FRMD5: variants seen among roughly 807,000 people sequenced by gnomAD.
The protein encoded by FRMD5 is FERM domain containing 5, also known as FERM domain-containing protein 5.
In FRMD5, 20 loss-of-function variants were observed where a neutral mutation model predicts 69.0. That is an observed-to-expected ratio of 0.29 (90% CI 0.20 to 0.42). The LOEUF (loss-of-function observed/expected upper bound fraction) is 0.42. Ranked by LOEUF, FRMD5 falls within the 10% of genes least tolerant of loss-of-function variation. FRMD5 has a pLI of 1.00. For missense variants in FRMD5, 595 were observed against 708.6 expected (o/e 0.84, Z 1.82); for synonymous variants, 271 against 260.1 (o/e 1.04, Z -0.40).
chr15:44,138,281 T>C (rs544383992), intron 1 of FRMD5, among the ~76,000 whole-genome samples: 1 of 152,194 alleles, frequency 6.6e-6, no homozygotes, highest in African/African-American at 2.4e-5. Flanking sequence ...TCTCAAAGGA[T>C]ATAAAGGAAA....
intron 1 of FRMD5, among the ~76,000 whole-genome samples, chr15:44,123,782 T>C (rs1263432510): frequency 6.6e-6 from 1 of 152,118 alleles, no homozygotes; most frequent in South Asian, 2.1e-4. Flanking sequence ...ATGGGAATCA[T>C]CTGAGAAAAT....
chr15:44,031,920 T>C (rs1458943666), intron 1 of FRMD5, among the ~76,000 whole-genome samples: 3 of 152,138 alleles, frequency 2.0e-5, no homozygotes, highest in Non-Finnish European at 2.9e-5. Flanking sequence ...CCTTGAGAGC[T>C]ATTTTAAAAT....
At chr15:44,143,087 G>A (rs1164733291) in intron 1 of FRMD5, among the ~76,000 whole-genome samples, 9 of 150,502 alleles carry the variant, frequency 6.0e-5, no homozygotes, top group Non-Finnish European at 8.9e-5. Context: ...GCGAGACTCC[G>A]TCTCAAAAAA....
intron 1 of FRMD5, among the ~76,000 whole-genome samples, chr15:43,945,857 A>T (rs907628193): frequency 3.3e-5 from 5 of 152,148 alleles, no homozygotes; most frequent in Non-Finnish European, 7.3e-5. Flanking sequence ...GGAGTTCAAG[A>T]CCAGCCTGGC....
intron 7 of FRMD5, among the ~76,000 whole-genome samples, chr15:43,899,444 C>T (rs1050541661): frequency 1.3e-5 from 2 of 152,098 alleles, no homozygotes; most frequent in African/African-American, 2.4e-5. Context: ...TACATAACAA[C>T]GGGTAGTGAC....
chr15:44,112,917 C>G (rs537123112), intron 1 of FRMD5, among the ~76,000 whole-genome samples: 2 of 152,190 alleles, frequency 1.3e-5, no homozygotes, highest in African/African-American at 4.8e-5. Context: ...TTTTTCCTTT[C>G]ATATTTCTCT....
chr15:43,996,361 A>C (rs994734638), intron 1 of FRMD5, among the ~76,000 whole-genome samples: 11 of 151,648 alleles, frequency 7.3e-5, no homozygotes, highest in Non-Finnish European at 1.2e-4. Flanking sequence ...TCCGGTACTC[A>C]CTCTCCTTCC....
intron 2 of FRMD5, among the ~76,000 whole-genome samples, chr15:43,923,732 G>T (rs1203901791): frequency 6.6e-6 from 1 of 152,236 alleles, no homozygotes; most frequent in Non-Finnish European, 1.5e-5. Context: ...TGCCTATGCT[G>T]TGTAGAGCAG....
intron 1 of FRMD5, among the ~76,000 whole-genome samples, chr15:44,037,467 CTCT>C (rs1891970367): frequency 6.8e-6 from 1 of 147,362 alleles, no homozygotes; most frequent in East Asian, 2.0e-4. Flanking sequence ...TGTGTCTTTT[CTCT>C]TTTTTTTTTT....
rs141022353 is a variant in FRMD5 at position 44,124,481 on chromosome 15, C to T, written c.102+70472G>A. Among the ~76,000 whole-genome samples the T allele has an allele frequency of 3.1e-3, 469 of 151,786 alleles. 3 individuals are homozygous for T. The highest frequency in any genetic ancestry group is 0.011 in the African/African-American group (438 of 41,434). On this transcript the variant is annotated intron_variant, in intron 1 of 13. Coordinates refer to ENST00000417257, the MANE Select transcript of FRMD5 (RefSeq NM_032892.5). ...TTGGGAGGCCAAGGCAGGCAGATCA[C>T]GAGGACAGGAGATCAAAACCATCCT...
At chr15:44,019,270 C>T (rs1891103379) in intron 1 of FRMD5, among the ~76,000 whole-genome samples, 1 of 151,988 alleles carries the variant, frequency 6.6e-6, no homozygotes, top group Non-Finnish European at 1.5e-5. Flanking sequence ...TTTGTAAATC[C>T]TAGAGTTTAT....
intron 1 of FRMD5, among the ~76,000 whole-genome samples, chr15:44,114,101 A>T (rs1346847401): frequency 6.6e-6 from 1 of 152,194 alleles, no homozygotes; most frequent in Non-Finnish European, 1.5e-5. Flanking sequence ...CAGAAAAAAA[A>T]ATGACATATA....
At chr15:44,066,983 T>C (rs900774667) in intron 1 of FRMD5, among the ~76,000 whole-genome samples, 1 of 152,072 alleles carries the variant, frequency 6.6e-6, no homozygotes, top group Non-Finnish European at 1.5e-5. Flanking sequence ...CAAAATATTA[T>C]TGATGCTAGT....
chr15:44,076,009 G>A (rs1438766757), intron 1 of FRMD5, among the ~76,000 whole-genome samples: 11 of 152,218 alleles, frequency 7.2e-5, no homozygotes, highest in African/African-American at 2.2e-4. Context: ...TTTTGATGGG[G>A]TTGTTTGTTT....
rs1307857312 is a variant in FRMD5, at chr15:43,873,993, G to T, written c.1605C>A (p.Ile535=). Residue 535 remains isoleucine, a synonymous_variant, in exon 14 of 14, where the codon ATC becomes ATA. Coordinates refer to ENST00000417257, the MANE Select transcript of FRMD5 (RefSeq NM_032892.5). ...SDLDIAFFRD[I]RQTPEFEQFH... Reference sequence around the variant, plus strand: ...ATTGTTCAAACTCGGGGGTCTGGCGGATATCACGGAAAAAGGCAATGTCAA... The same window carrying T: ...ATTGTTCAAACTCGGGGGTCTGGCGTATATCACGGAAAAAGGCAATGTCAA... 6.2e-7 allele frequency: 1 copy of T among 1,614,164 alleles called. No individual in the cohort carries two copies. The highest frequency in any genetic ancestry group is 1.3e-5 in the African/African-American group (1 of 75,038).
chr15:44,026,526 A>C (rs1460903575), intron 1 of FRMD5, among the ~76,000 whole-genome samples: 1 of 152,012 alleles, frequency 6.6e-6, no homozygotes, highest in African/African-American at 2.4e-5. Flanking sequence ...GCTTTTCTTC[A>C]CAGCTTATTA....
chr15:44,045,235 T>A (rs1359649123), intron 1 of FRMD5, among the ~76,000 whole-genome samples: 2 of 152,250 alleles, frequency 1.3e-5, no homozygotes, highest in East Asian at 1.9e-4. Flanking sequence ...CTATCTTGGA[T>A]TACCCAGTCA....
At chr15:44,054,171 T>C (rs1367520045) in intron 1 of FRMD5, among the ~76,000 whole-genome samples, 5 of 152,216 alleles carry the variant, frequency 3.3e-5, no homozygotes, top group Admixed American at 1.3e-4. Context: ...CTGGCAGTTA[T>C]AGTAAAGGAT....
rs559367939 is a variant in FRMD5 at position 43,875,202 on chromosome 15, G to A, written c.1136-740C>T. On this transcript the variant is annotated intron_variant, in intron 13 of 13. Coordinates refer to ENST00000417257, the MANE Select transcript of FRMD5 (RefSeq NM_032892.5). ...ACAGAGCAAGACTCTGCCTCGGGGC[G>A]AGGAGGAAGCCAGGTGTGGTAGTGC... is the stretch of plus-strand genomic sequence containing the variant. Among the ~76,000 whole-genome samples the A allele has an allele frequency of 4.7e-4, 71 of 151,758 alleles. No individual in the cohort carries two copies. The South Asian group carries it at 0.013, about 28-fold the overall frequency.
Sources: allele counts gnomAD v4.1 joint callset (sites outside exome capture counted in the v4.1 genomes callset), GRCh38; gene constraint gnomAD v4.1.1; transcripts MANE v1.5; gene names NCBI Gene and HGNC (gene_info 2026-07-23, HGNC 2026-07-21).